Variants in COP1 observed in about 807,000 individuals in gnomAD.
The protein encoded by COP1 is COP1 E3 ubiquitin ligase, also known as E3 ubiquitin-protein ligase COP1.
A neutral mutation model predicts 101.3 loss-of-function variants in COP1; 24 were observed. The ratio of observed to expected loss-of-function variants is 0.24; its 90% CI spans 0.17 to 0.33. The LOEUF is 0.33. Among genes scored for constraint, COP1 ranks in the 10% least tolerant of loss-of-function variants. COP1 has a pLI of 1.00. For missense variants in COP1, 663 were observed against 906.2 expected (o/e 0.73, Z 3.45); for synonymous variants, 347 against 341.9 (o/e 1.01, Z -0.17).
intron 9 of COP1, among the ~76,000 whole-genome samples, chr1:176,101,276 A>T (rs1164715970): frequency 6.6e-6 from 1 of 152,112 alleles, no homozygotes; most frequent in Non-Finnish European, 1.5e-5. Flanking sequence ...CCCTCCCTCA[A>T]ATACTCCAGG....
chr1:175,990,282 T>G (rs1242537062), intron 15 of COP1, among the ~76,000 whole-genome samples: 1 of 152,156 alleles, frequency 6.6e-6, no homozygotes, highest in Non-Finnish European at 1.5e-5. Context: ...GATTTTTAAT[T>G]TAATTCCATT....
At position 176,066,814 on chromosome 1, in the gene COP1, TCTAAA is replaced by T. The variant is rs529907845; in HGVS notation, c.1277+14333_1277+14337del. 1.6e-3 allele frequency among the ~76,000 whole-genome samples: 246 copies of T among 152,312 alleles called. 1 individual carries two copies. Among genetic ancestry groups the T allele is most frequent in the African/African-American group, 5.6e-3 (234 of 41,568 alleles). On this transcript the variant is annotated intron_variant, in intron 11 of 19. Transcript: ENST00000367669. ...CAAAGATATTTCCTTTGTTCTGGTC[TCTAAA>T]CTAGAGTTTCTCTATTAATGTTCAG...
At chr1:175,947,288 A>G (rs1649297772) in intron 18 of COP1, 49 bp from the exon 19 acceptor site, 1 of 1,241,058 alleles carries the variant, frequency 8.1e-7, no homozygotes, top group Non-Finnish European at 1.2e-6. Context: ...TTTCCTGGAG[A>G]GCAATCCAAG....
chr1:176,119,469 G>A (rs930522536), intron 8 of COP1, among the ~76,000 whole-genome samples: 1 of 152,022 alleles, frequency 6.6e-6, no homozygotes, highest in African/African-American at 2.4e-5. Context: ...GTTTGTTGAA[G>A]ATAAAACTAA....
At chr1:176,151,355 A>AAGAAAGAG (rs1229151327) in intron 5 of COP1, among the ~76,000 whole-genome samples, 17 of 31,076 alleles carry the variant, frequency 5.5e-4, no homozygotes, top group African/African-American at 1.4e-3. Context: ...AAGAAAGAAA[A>AAGAAAGAG]AGAAAGAAAG....
chr1:176,068,635 A>AT (rs995609905), intron 11 of COP1, among the ~76,000 whole-genome samples: 4 of 152,240 alleles, frequency 2.6e-5, no homozygotes, highest in Admixed American at 2.6e-4. Context: ...ATAAAAGCAC[A>AT]TTTTTTTCCA....
At chr1:176,129,077 G>C (rs1257893846) in intron 8 of COP1, among the ~76,000 whole-genome samples, 1 of 151,856 alleles carries the variant, frequency 6.6e-6, no homozygotes, top group Admixed American at 6.6e-5. Flanking sequence ...ATATAGTCCA[G>C]AAGCTATTAT....
At chr1:176,049,937 T>C (rs1257943126) in intron 11 of COP1, among the ~76,000 whole-genome samples, 2 of 152,196 alleles carry the variant, frequency 1.3e-5, no homozygotes, top group African/African-American at 4.8e-5. Context: ...TTAACTGAAA[T>C]GTTGCTTATG....
At chr1:176,008,853 T>C (rs754994274) in intron 15 of COP1, among the ~76,000 whole-genome samples, 9 of 152,242 alleles carry the variant, frequency 5.9e-5, no homozygotes, top group Admixed American at 4.6e-4. Flanking sequence ...TTTTTGTTTT[T>C]ATTTTTAAGT....
chr1:176,133,147 T>C (rs1383746545), intron 8 of COP1, among the ~76,000 whole-genome samples: 4 of 139,398 alleles, frequency 2.9e-5, no homozygotes, highest in Non-Finnish European at 6.5e-5. Flanking sequence ...CATACGTATA[T>C]ACGTACATAT....
chr1:176,178,871 A>G (rs1285031880), intron 2 of COP1, among the ~76,000 whole-genome samples: 1 of 151,736 alleles, frequency 6.6e-6, no homozygotes, highest in Non-Finnish European at 1.5e-5. Context: ...CTCCATCCCA[A>G]AAAAAGGTAA....
intron 5 of COP1, among the ~76,000 whole-genome samples, chr1:176,159,949 G>A (rs533700252): frequency 8.5e-5 from 13 of 152,106 alleles, no homozygotes; most frequent in African/African-American, 1.2e-4. Context: ...GAGTATTTCA[G>A]AGCCCCATAT....
At chr1:176,027,498 T>A in intron 15 of COP1, 74 bp downstream of exon 15, 1 of 886,874 alleles carries the variant, frequency 1.1e-6, no homozygotes, top group Non-Finnish European at 1.9e-6. Context: ...GTTATTTGTT[T>A]TAAAATGCTC....
chr1:176,023,889 C>T (rs932191307), intron 15 of COP1, among the ~76,000 whole-genome samples: 1 of 152,032 alleles, frequency 6.6e-6, no homozygotes, highest in African/African-American at 2.4e-5. Flanking sequence ...TCATTCAGAA[C>T]GCAGAATGAA....
At chr1:175,989,826 T>C (rs1398127561) in intron 15 of COP1, among the ~76,000 whole-genome samples, 1 of 152,158 alleles carries the variant, frequency 6.6e-6, no homozygotes, top group Admixed American at 6.6e-5. Context: ...ATTTTGCATA[T>C]AATAAAATAC....
chr1:176,121,982 T>C (rs1374861090), intron 8 of COP1, among the ~76,000 whole-genome samples: 2 of 151,574 alleles, frequency 1.3e-5, no homozygotes, highest in Non-Finnish European at 2.9e-5. Context: ...CTACTAAAAA[T>C]ACAAAAAATT....
chr1:176,148,542 T>C (rs1691936178), intron 6 of COP1, among the ~76,000 whole-genome samples: 1 of 152,170 alleles, frequency 6.6e-6, no homozygotes, highest in African/African-American at 2.4e-5. Flanking sequence ...TATAAAACTG[T>C]TGATACAAAA....
chr1:175,993,098 T>C (rs1388458384), intron 15 of COP1, among the ~76,000 whole-genome samples: 1 of 152,186 alleles, frequency 6.6e-6, no homozygotes, highest in Non-Finnish European at 1.5e-5. Context: ...AAAGCCGCTG[T>C]TCTGCAGCCA....
chr1:176,086,032 TA>T (rs1680070048), intron 9 of COP1, 142 bp from the exon 10 acceptor site: 1 of 464,988 alleles, frequency 2.2e-6, no homozygotes, highest in Non-Finnish European at 3.9e-6. Context: ...AATTCTGAGA[TA>T]TTTTCCAATT....
Sources: allele counts gnomAD v4.1 joint callset (sites outside exome capture counted in the v4.1 genomes callset), GRCh38; gene constraint gnomAD v4.1.1; transcripts MANE v1.5; gene names NCBI Gene and HGNC (gene_info 2026-07-23, HGNC 2026-07-21).